The following DNAJB1 variants were observed in gnomAD, a reference collection of about 807,000 sequenced individuals.
The protein encoded by DNAJB1 is DnaJ heat shock protein family (Hsp40) member B1, also known as dnaJ homolog subfamily B member 1.
A neutral mutation model predicts 24.0 loss-of-function variants in DNAJB1; 14 were observed. The ratio of observed to expected loss-of-function variants is 0.58; its 90% CI spans 0.39 to 0.91. DNAJB1 has a LOEUF of 0.91. DNAJB1 is among the 40% of genes least tolerant of loss of function. The pLI is 0.00. For synonymous variants in DNAJB1, 262 were observed against 174.4 expected, an observed-to-expected ratio of 1.50 and a Z score of -3.96; for missense variants, 517 against 458.1, an observed-to-expected ratio of 1.13 and a Z score of -1.17.
intron 1 of DNAJB1, among the ~76,000 whole-genome samples, chr19:14,549,959 A>T (rs2073438637): frequency 2.0e-5 from 3 of 151,860 alleles, no homozygotes. Flanking sequence ...AAAAATAAAA[A>T]AAATAAACTA....
At chr19:14,529,109 C>T (rs543501674) in intron 1 of DNAJB1, 5 of 163,690 alleles carry the variant, frequency 3.1e-5, no homozygotes, top group Admixed American at 2.9e-4. Flanking sequence ...ACTCAAGAGT[C>T]TCCTCCCATA....
chr19:14,522,679 C>CACAG (rs1238464539), upstream of DNAJB1, among the ~76,000 whole-genome samples: 21 of 74,410 alleles, frequency 2.8e-4, no homozygotes, highest in East Asian at 5.5e-3. Flanking sequence ...CAGACACACA[C>CACAG]ACAGACACAC....
At chr19:14,520,602 C>T (rs1026255177), upstream of DNAJB1, among the ~76,000 whole-genome samples, 4 of 152,132 alleles carry the variant, frequency 2.6e-5, no homozygotes, top group Admixed American at 6.5e-5. Flanking sequence ...CTGGACAACC[C>T]GGGAGGATGG....
intron 1 of DNAJB1, among the ~76,000 whole-genome samples, chr19:14,543,259 A>G (rs1326426825): frequency 1.7e-5 from 2 of 115,378 alleles, no homozygotes; most frequent in Non-Finnish European, 3.5e-5. Flanking sequence ...AATGTTTCTC[A>G]GGAGCTGGGT....
At chr19:14,544,661 T>G in intron 1 of DNAJB1, among the ~76,000 whole-genome samples, 1 of 147,188 alleles carries the variant, frequency 6.8e-6, no homozygotes, top group African/African-American at 2.5e-5. Context: ...TGAGACAGGG[T>G]CTCACTCTGT....
chr19:14,535,562 A>ATG (rs2072858283), intron 1 of DNAJB1, among the ~76,000 whole-genome samples: 1 of 27,914 alleles, frequency 3.6e-5, no homozygotes, highest in African/African-American at 1.4e-4. Context: ...ATATATATAT[A>ATG]TATATATATA....
chr19:14,517,216 G>GC (rs2072284546), intron 1 of DNAJB1, 170 bp from the exon 2 acceptor site: 1 of 631,096 alleles, frequency 1.6e-6, no homozygotes, highest in Non-Finnish European at 2.7e-6. Flanking sequence ...CAGCAGAGAC[G>GC]CCCCCCTACC....
At chr19:14,538,778 G>A (rs2420530) in intron 1 of DNAJB1, among the ~76,000 whole-genome samples, 2,165 of 151,882 alleles carry the variant, frequency 0.014, 29 homozygotes, top group Non-Finnish European at 0.018. Context: ...TGATCCACCC[G>A]CCTCAGCCTC....
intron 2 of DNAJB1, 24 bp from the exon 3 acceptor site, chr19:14,516,194 T>G: frequency 6.8e-6 from 11 of 1,612,170 alleles, no homozygotes; most frequent in Non-Finnish European, 9.3e-6. Flanking sequence ...AGGACAGCAT[T>G]AGATGGAAGC....
At position 14,516,741 on chromosome 19, in the gene DNAJB1, C is replaced by A. The variant is rs778551714; in HGVS notation, c.517G>T (p.Glu173Ter). 5.6e-6 allele frequency: 9 copies of A among 1,614,000 alleles called. No individual in the cohort carries two copies. The highest frequency in any genetic ancestry group is 7.6e-6 in the Non-Finnish European group (9 of 1,180,008). The change falls in exon 2 of 3, where the codon GAA (glutamate) becomes TAA (stop). Residue 173 changes from glutamate to a stop codon, truncating the protein, a stop_gained. Transcript: ENST00000254322. LOFTEE classifies it high-confidence loss of function. ...PVTHDLRVSL[E>*]EIYSGCTKKM... is the part of the protein sequence containing the mutation. ...TTGGTACAGCCGCTGTAGATCTCTTCAAGGGAGACTCGAAGGTCGTGGGTG... is the reference window on the plus strand; with the variant it reads ...TTGGTACAGCCGCTGTAGATCTCTTAAAGGGAGACTCGAAGGTCGTGGGTG...
In DNAJB1 at chr19:14,524,845, C is replaced by CAAAAAAAAAA. The variant is rs71166750; in HGVS notation, c.-90+2871_-90+2880dup. Among the ~76,000 whole-genome samples the CAAAAAAAAAA allele has an allele frequency of 2.0e-4, 22 of 112,190 alleles. 2 individuals carry two copies. Among genetic ancestry groups the CAAAAAAAAAA allele is most frequent in the Admixed American group, 3.5e-4 (4 of 11,268 alleles). 73.6% of individuals were successfully genotyped at this position (112,190 alleles called of 152,430 possible). A position where few individuals can be genotyped will look rare whatever the true frequency, so the allele number is the denominator to read the frequency against. On this transcript the variant is annotated intron_variant, in intron 2 of 3. Coordinates refer to the DNAJB1 transcript ENST00000396969. The stretch of plus-strand genomic sequence containing the variant: ...TGGACAACAGAGCGAGACTCGTTCT[C>CAAAAAAAAAA]AAAAAAAAAAGACCTTCAAAAAGCG...
In DNAJB1 at chr19:14,518,320, G is replaced by T; in HGVS notation, c.30C>A (p.Gly10=). MGKDYYQTL[G]LARGASDEEI... ...CCTCGTCCGACGCGCCGCGGGCCAG[G>T]CCCAACGTCTGGTAGTAGTCTTTAC... The change falls in exon 1 of 3, where the codon GGC becomes GGA. Residue 10 remains glycine (G), a synonymous_variant. Coordinates refer to ENST00000254322, the MANE Select transcript of DNAJB1 (RefSeq NM_006145.3). 1.2e-6 allele frequency: 2 copies of T among 1,603,578 alleles called. No individual in the cohort carries two copies. Among genetic ancestry groups the T allele is most frequent in the Non-Finnish European group, 1.7e-6 (2 of 1,177,600 alleles).
intron 1 of DNAJB1, chr19:14,545,897 A>G (rs1006271806): frequency 3.3e-5 from 5 of 152,466 alleles, no homozygotes; most frequent in African/African-American, 1.2e-4. Flanking sequence ...AGGTAACCGC[A>G]GCCTCCCTCA....
rs560039144 is a variant in DNAJB1 at position 14,525,105 on chromosome 19, A to T, written c.-90+2621T>A. Among the ~76,000 whole-genome samples, 12 of 151,116 alleles carry T rather than the reference A, an allele frequency of 7.9e-5. No homozygotes were observed. The South Asian group carries it at 2.3e-3, about 29-fold the overall frequency. ...AAAAATTAGCTGGGCATGGTGGTGC[A>T]CACCTGTAACCCAGCTATTCGGGAG... On this transcript the variant is annotated intron_variant, in intron 2 of 3. Coordinates refer to the DNAJB1 transcript ENST00000396969.
At chr19:14,547,998 C>T (rs1421622332) in intron 1 of DNAJB1, among the ~76,000 whole-genome samples, 1 of 145,436 alleles carries the variant, frequency 6.9e-6, no homozygotes, top group African/African-American at 2.6e-5. Flanking sequence ...GAGTCTCGCT[C>T]TGTCACCCAG....
chr19:14,533,981 A>G (rs1402134577), upstream of DNAJB1: 5 of 152,086 alleles, frequency 3.3e-5, no homozygotes, highest in South Asian at 2.1e-4. Context: ...AACAGCTACT[A>G]CATCTTGTAA....
At chr19:14,537,820 C>G (rs1836607087) in intron 1 of DNAJB1, among the ~76,000 whole-genome samples, 1 of 149,384 alleles carries the variant, frequency 6.7e-6, no homozygotes, top group Admixed American at 6.7e-5. Context: ...GATCTCGGCT[C>G]GCTGCACCTC....
intron 1 of DNAJB1, among the ~76,000 whole-genome samples, chr19:14,556,609 G>T (rs2073734614): frequency 6.6e-6 from 1 of 152,098 alleles, no homozygotes; most frequent in African/African-American, 2.4e-5. Flanking sequence ...CCAGGAACTG[G>T]AACAGTGCCT....
upstream of DNAJB1, among the ~76,000 whole-genome samples, chr19:14,553,155 G>T (rs183812037): frequency 1.0e-3 from 157 of 152,224 alleles, 4 homozygotes; most frequent in Admixed American, 5.2e-4. Flanking sequence ...TCGTGCGTCC[G>T]ATGACCATCT....
Sources: allele counts gnomAD v4.1 joint callset (sites outside exome capture counted in the v4.1 genomes callset), GRCh38; gene constraint gnomAD v4.1.1; transcripts MANE v1.5; gene names NCBI Gene and HGNC (gene_info 2026-07-23, HGNC 2026-07-21).